Variants in CFAP77 observed in about 807,000 individuals in gnomAD.
The protein encoded by CFAP77 is cilia- and flagella-associated protein 77.
In CFAP77, 25 loss-of-function variants were observed where a neutral mutation model predicts 31.1. The observed-to-expected ratio is 0.80, with a 90% CI of 0.59 to 1.12. The LOEUF is 1.12. Among genes scored for constraint, CFAP77 ranks in the 50% most tolerant of loss-of-function variants. CFAP77 has a pLI of 0.00. For synonymous variants in CFAP77, 151 were observed against 159.9 expected, an observed-to-expected ratio of 0.94 and a Z score of 0.42; for missense variants, 377 against 397.3, an observed-to-expected ratio of 0.95 and a Z score of 0.44.
chr9:132,501,262 G>C lies in CFAP77; in HGVS notation c.524+1662G>C, dbSNP rs554950840. ...TCCTGATTTTGGCTCCATTCTCTGA[G>C]AAGCTTCTTCCTCACCTGCAAATGG... On this transcript the variant is annotated intron_variant, in intron 3 of 5. Transcript: ENST00000393216. This position sits in a 1 kb window ranked among gnomAD's most constrained non-coding sequence, Gnocchi z 4.6. 3.9e-5 allele frequency among the ~76,000 whole-genome samples: 6 copies of C among 152,296 alleles called. No individual in the cohort carries two copies. The highest frequency in any genetic ancestry group is 1.4e-4 in the African/African-American group (6 of 41,552).
intron 1 of CFAP77, among the ~76,000 whole-genome samples, chr9:132,427,002 T>C (rs910443054): frequency 6.6e-6 from 1 of 152,130 alleles, no homozygotes; most frequent in Non-Finnish European, 1.5e-5. Flanking sequence ...TCAGCAAAGG[T>C]GATCATTATG....
chr9:132,435,022 G>T (rs1004353323), intron 1 of CFAP77, among the ~76,000 whole-genome samples: 1 of 152,216 alleles, frequency 6.6e-6, no homozygotes, highest in Non-Finnish European at 1.5e-5. Flanking sequence ...AATGCTTAGA[G>T]AAAGACCATT....
Position 132,479,475 on chromosome 9 carries a change from G to C in CFAP77, c.196-19220G>C, listed in dbSNP as rs1025979118. Among the ~76,000 whole-genome samples, 20 of 152,324 alleles carry C rather than the reference G, an allele frequency of 1.3e-4. No homozygotes were observed. The East Asian group carries it at 3.7e-3, about 28-fold the overall frequency. ...GGCCTTGGGGGGCTGGGCCTGGTTT[G>C]GTTGAGCCAAGGTCCTCCTTGTGGC... is the stretch of plus-strand genomic sequence containing the variant. On this transcript the variant is annotated intron_variant, in intron 1 of 5. Coordinates refer to ENST00000393216, the MANE Select transcript of CFAP77 (RefSeq NM_001282957.2).
intron 1 of CFAP77, among the ~76,000 whole-genome samples, chr9:132,420,892 G>C (rs945462182): frequency 1.2e-4 from 18 of 152,084 alleles, no homozygotes; most frequent in Admixed American, 9.8e-4. Flanking sequence ...GTACAGACGT[G>C]GCCACAGCCA....
chr9:132,524,778 A>T (rs1339831113), intron 3 of CFAP77, among the ~76,000 whole-genome samples: 1 of 151,092 alleles, frequency 6.6e-6, no homozygotes, highest in East Asian at 2.0e-4. Context: ...CCTCCCAAGT[A>T]GCTGGGACTA....
At chr9:132,438,518 G>GTTATATATATATATATATATATATATAT (rs1334397510) in intron 1 of CFAP77, among the ~76,000 whole-genome samples, 22 of 111,182 alleles carry the variant, frequency 2.0e-4, no homozygotes, top group South Asian at 3.4e-4. Flanking sequence ...GAACAGATAT[G>GTTATATATATATATATATATATATATAT]GTATATATAT....
In CFAP77 at chr9:132,549,247, A is replaced by C. The variant is rs887970214; in HGVS notation, c.732+6200A>C. On this transcript the variant is annotated intron_variant, in intron 5 of 5. Coordinates refer to ENST00000393216, the MANE Select transcript of CFAP77 (RefSeq NM_001282957.2). ...TTAAAATGAAGATGGGCCGACCCCC[A>C]CAAAGGTGTATCCGAACCCAGGAAG... Among the ~76,000 whole-genome samples, 11 of 152,176 alleles carry C rather than the reference A, an allele frequency of 7.2e-5. No homozygotes were observed. The East Asian group carries it at 2.1e-3, about 29-fold the overall frequency.
intron 5 of CFAP77, among the ~76,000 whole-genome samples, chr9:132,563,157 C>A: frequency 6.6e-6 from 1 of 151,936 alleles, no homozygotes; most frequent in Admixed American, 6.6e-5. Flanking sequence ...TACCTGGGAC[C>A]ACAGGTGGAT....
chr9:132,511,788 GCT>G lies in CFAP77; in HGVS notation c.524+12190_524+12191del, dbSNP rs1428366009. On this transcript the variant is annotated intron_variant, in intron 3 of 5. Transcript: ENST00000393216. The surrounding 1 kb of genome is among the most constrained non-coding windows in gnomAD (Gnocchi z 5.8). ...ACAAAAATGAAGCGGCCGCGCGGCG[GCT>G]CACGCCTGTCATCCCAGCACTGTGG... Among the ~76,000 whole-genome samples, 1 of 152,190 alleles carries G rather than the reference GCT, an allele frequency of 6.6e-6. No individual in the cohort carries two copies. Among genetic ancestry groups the G allele is most frequent in the Non-Finnish European group, 1.5e-5 (1 of 68,010 alleles).
At chr9:132,510,379 G>A (rs1852014897) in intron 3 of CFAP77, among the ~76,000 whole-genome samples, 2 of 152,246 alleles carry the variant, frequency 1.3e-5, no homozygotes, top group African/African-American at 4.8e-5. Flanking sequence ...GCCCGGCCGT[G>A]GGCCTCTTAT....
At position 132,432,860 on chromosome 9, in the gene CFAP77, C is replaced by A. The variant is rs1432878681; in HGVS notation, c.195+22394C>A. Among the ~76,000 whole-genome samples the A allele has an allele frequency of 2.2e-4, 33 of 151,190 alleles. No individual in the cohort carries two copies. The Admixed American group carries it at 2.2e-3, about 10-fold the overall frequency. ...TCCCGAGTAGCTGGGACTACAGGCA[C>A]CCGCCACCACGCCCAGCTAATTTTT... is the stretch of plus-strand genomic sequence containing the variant. On this transcript the variant is annotated intron_variant, in intron 1 of 5. Coordinates refer to ENST00000393216, the MANE Select transcript of CFAP77 (RefSeq NM_001282957.2).
Position 132,455,773 on chromosome 9 carries a change from CT to C in CFAP77, c.196-42921del, listed in dbSNP as rs1363065441. On this transcript the variant is annotated intron_variant, in intron 1 of 5. Transcript: ENST00000393216. This position sits in a 1 kb window ranked among gnomAD's most constrained non-coding sequence, Gnocchi z 4.1. ...AAAGCAAAACGAACCCCAAATGTCT[CT>C]CCACTCAGCTCCCAACAGGATGCAA... 3.9e-5 allele frequency among the ~76,000 whole-genome samples: 6 copies of C among 152,050 alleles called. No individual in the cohort carries two copies. Among genetic ancestry groups the C allele is most frequent in the African/African-American group, 9.7e-5 (4 of 41,386 alleles).
At chr9:132,538,290 C>T (rs1852582090) in intron 4 of CFAP77, among the ~76,000 whole-genome samples, 1 of 152,216 alleles carries the variant, frequency 6.6e-6, no homozygotes, top group African/African-American at 2.4e-5. Flanking sequence ...ATTGTAATCG[C>T]TGCTTCCCAG....
At chr9:132,515,581 G>T (rs915799161) in intron 3 of CFAP77, among the ~76,000 whole-genome samples, 4 of 152,218 alleles carry the variant, frequency 2.6e-5, no homozygotes, top group Non-Finnish European at 5.9e-5. Context: ...TTCTCGGCCT[G>T]ATGGGCGGGC....
chr9:132,543,181 G>A (rs1024386815), intron 5 of CFAP77, 134 bp downstream of exon 5: 8 of 692,770 alleles, frequency 1.2e-5, no homozygotes, highest in African/African-American at 5.3e-5. Flanking sequence ...AGCAGCAATC[G>A]CAACAGCTAA....
At chr9:132,523,889 C>T (rs1464585874) in intron 3 of CFAP77, among the ~76,000 whole-genome samples, 1 of 152,146 alleles carries the variant, frequency 6.6e-6, no homozygotes, top group Non-Finnish European at 1.5e-5. Flanking sequence ...GGTTTCTGCC[C>T]CGCCACCCCC....
At chr9:132,425,361 T>C (rs544180017) in intron 1 of CFAP77, among the ~76,000 whole-genome samples, 82 of 152,194 alleles carry the variant, frequency 5.4e-4, no homozygotes, top group Non-Finnish European at 7.8e-4. Context: ...CCCCCACTCC[T>C]TTGCTCTCTT....
rs553009755 is a variant in CFAP77 at position 132,517,903 on chromosome 9, T to G, written c.524+18303T>G. 6.6e-6 allele frequency among the ~76,000 whole-genome samples: 1 copy of G among 152,190 alleles called. No homozygotes were observed. Among genetic ancestry groups the G allele is most frequent in the Non-Finnish European group, 1.5e-5 (1 of 68,028 alleles). ...TCAGGATGGGTTTGATGGAACTAAT[T>G]TGAAGTTTCTGGGAGGCCTATCCCA... On this transcript the variant is annotated intron_variant, in intron 3 of 5. Coordinates refer to ENST00000393216, the MANE Select transcript of CFAP77 (RefSeq NM_001282957.2). The surrounding 1 kb of genome is among the most constrained non-coding windows in gnomAD (Gnocchi z 4.7).
At chr9:132,506,149 A>G (rs1851927811) in intron 3 of CFAP77, among the ~76,000 whole-genome samples, 1 of 152,162 alleles carries the variant, frequency 6.6e-6, no homozygotes, top group South Asian at 2.1e-4. Flanking sequence ...AGGCAGCTGG[A>G]AAGAGCCCCG....
Sources: gnomAD v4.1 joint callset for allele counts (sites outside exome capture counted in the v4.1 genomes callset) on GRCh38, gnomAD v4.1.1 for gene constraint, Gnocchi (gnomAD v3.1) non-coding constraint, MANE v1.5 for transcripts, NCBI Gene and HGNC (gene_info 2026-07-23, HGNC 2026-07-21) for gene names.